The following ATRNL1 variants were observed in gnomAD, a reference collection of about 807,000 sequenced individuals.
The protein encoded by ATRNL1 is attractin-like protein 1.
Under a neutral mutation model 182.7 loss-of-function variants are expected in ATRNL1, and 95 were observed. The observed-to-expected ratio is 0.52, with a 90% CI of 0.44 to 0.62. The LOEUF (loss-of-function observed/expected upper bound fraction) is 0.62. ATRNL1 is among the 20% of genes least tolerant of loss of function. ATRNL1 has a pLI of 0.00. For missense variants in ATRNL1, 1,471 were observed against 1,679.5 expected, an observed-to-expected ratio of 0.88 and a Z score of 2.17; for synonymous variants, 576 against 568.3, an observed-to-expected ratio of 1.01 and a Z score of -0.19.
At chr10:115,461,142 G>A (rs1184005649) in intron 21 of ATRNL1, among the ~76,000 whole-genome samples, 1 of 151,934 alleles carries the variant, frequency 6.6e-6, no homozygotes, top group Admixed American at 6.6e-5. Context: ...ATGGTTAAGG[G>A]TATAATATGA....
At chr10:115,524,514 A>G (rs1321748084) in intron 25 of ATRNL1, among the ~76,000 whole-genome samples, 1 of 152,244 alleles carries the variant, frequency 6.6e-6, no homozygotes, top group East Asian at 1.9e-4. Flanking sequence ...GGTAGAGACT[A>G]CTATCCCTGT....
At chr10:115,176,267 C>T (rs1554886665) in intron 8 of ATRNL1, among the ~76,000 whole-genome samples, 1 of 152,120 alleles carries the variant, frequency 6.6e-6, no homozygotes, top group Admixed American at 6.6e-5. Flanking sequence ...GCCTTTCACT[C>T]TGATGGTAGT....
At chr10:115,272,485 GA>G (rs1554913488) in intron 13 of ATRNL1, among the ~76,000 whole-genome samples, 1 of 152,018 alleles carries the variant, frequency 6.6e-6, no homozygotes, top group African/African-American at 2.4e-5. Context: ...GTGTTTTCTG[GA>G]AAAAATTATT....
chr10:115,108,235 A>C (rs1844105368), intron 1 of ATRNL1, among the ~76,000 whole-genome samples: 1 of 152,154 alleles, frequency 6.6e-6, no homozygotes, highest in Admixed American at 6.5e-5. Flanking sequence ...CAGCTCTTTC[A>C]ATATTTTGCT....
intron 9 of ATRNL1, among the ~76,000 whole-genome samples, chr10:115,225,351 T>C (rs1592285200): frequency 6.6e-6 from 1 of 151,568 alleles, no homozygotes; most frequent in Non-Finnish European, 1.5e-5. Context: ...AAAACTTTAC[T>C]GCAAGCATTA....
intron 27 of ATRNL1, among the ~76,000 whole-genome samples, chr10:115,730,866 G>A (rs1947777081): frequency 6.6e-6 from 1 of 152,084 alleles, no homozygotes; most frequent in South Asian, 2.1e-4. Flanking sequence ...CCCACAATAG[G>A]CCATCTGCAG....
intron 27 of ATRNL1, among the ~76,000 whole-genome samples, chr10:115,801,079 C>T (rs782184254): frequency 1.3e-5 from 2 of 152,180 alleles, no homozygotes; most frequent in African/African-American, 2.4e-5. Flanking sequence ...TTGTCTGCAC[C>T]TAAACACAGG....
intron 26 of ATRNL1, among the ~76,000 whole-genome samples, chr10:115,621,272 T>TAGAGAGAGAGAG (rs1167604359): frequency 6.2e-5 from 3 of 48,448 alleles, no homozygotes; most frequent in Non-Finnish European, 9.4e-5. Flanking sequence ...TATATATATA[T>TAGAGAGAGAGAG]ATATAGAGAG....
Position 115,591,015 on chromosome 10 carries a change from C to T in ATRNL1, c.3795+41479C>T, listed in dbSNP as rs1479163300. On this transcript the variant is annotated intron_variant, in intron 26 of 28. Transcript: ENST00000355044. ...TATCTGAACAGGGCATTTGAGAATC[C>T]GTCTTTTTTGGATCTGAGCACTGAG... 5.3e-5 allele frequency among the ~76,000 whole-genome samples: 8 copies of T among 152,126 alleles called. No individual in the cohort carries two copies. In the East Asian group the frequency reaches 7.7e-4, roughly 15 times the overall value.
rs187887825 is a variant in ATRNL1 at position 115,928,505 on chromosome 10, C to T, written c.4019-16153C>T. 1.5e-3 allele frequency among the ~76,000 whole-genome samples: 228 copies of T among 152,000 alleles called. 1 individual carries two copies. Among genetic ancestry groups the T allele is most frequent in the African/African-American group, 5.2e-3 (216 of 41,494 alleles). ...TAAAATGTAATTGTCTATAGTGAAG[C>T]TTGTATTAATTACCTTGTATGAAAA... On this transcript the variant is annotated intron_variant, in intron 28 of 28. Transcript: ENST00000355044.
chr10:115,413,679 T>C (rs915257027), intron 20 of ATRNL1, among the ~76,000 whole-genome samples: 2 of 152,112 alleles, frequency 1.3e-5, no homozygotes, highest in African/African-American at 4.8e-5. Context: ...ACACCTATCA[T>C]TTTGTGAATA....
At chr10:115,318,284 G>A (rs1380608488) in intron 18 of ATRNL1, among the ~76,000 whole-genome samples, 2 of 152,064 alleles carry the variant, frequency 1.3e-5, no homozygotes, top group East Asian at 1.9e-4. Context: ...TGCTGGATTC[G>A]GTTTGCCAGT....
At chr10:115,098,766 C>T (rs2085086079) in intron 1 of ATRNL1, among the ~76,000 whole-genome samples, 1 of 152,014 alleles carries the variant, frequency 6.6e-6, no homozygotes, top group South Asian at 2.1e-4. Flanking sequence ...CACTTAAATA[C>T]TAGTTTCTAA....
chr10:115,274,551 A>G (rs987820622), intron 13 of ATRNL1, among the ~76,000 whole-genome samples: 7 of 152,212 alleles, frequency 4.6e-5, no homozygotes, highest in Non-Finnish European at 7.3e-5. Flanking sequence ...TCTTGCCAGT[A>G]AGTCTAGAGT....
At chr10:115,851,902 C>T (rs1380419428) in intron 28 of ATRNL1, among the ~76,000 whole-genome samples, 7 of 152,134 alleles carry the variant, frequency 4.6e-5, no homozygotes, top group African/African-American at 1.2e-4. Context: ...AGTAACTCTC[C>T]TACATGACAC....
intron 26 of ATRNL1, among the ~76,000 whole-genome samples, chr10:115,593,767 T>G (rs1856058919): frequency 6.6e-6 from 1 of 152,208 alleles, no homozygotes; most frequent in African/African-American, 2.4e-5. Context: ...GTGTAGACAC[T>G]TCCTTGTAAT....
At chr10:115,510,747 T>A (rs781963829) in intron 24 of ATRNL1, among the ~76,000 whole-genome samples, 1 of 151,992 alleles carries the variant, frequency 6.6e-6, no homozygotes, top group Non-Finnish European at 1.5e-5. Context: ...GTGTTAATGC[T>A]ATTAGCAGAG....
At chr10:115,262,657 C>G (rs1260946319) in intron 10 of ATRNL1, among the ~76,000 whole-genome samples, 1 of 151,684 alleles carries the variant, frequency 6.6e-6, no homozygotes, top group Non-Finnish European at 1.5e-5. Context: ...GGATTAGTAT[C>G]CAGAATATTT....
chr10:115,914,567 T>G (rs1043753857), intron 28 of ATRNL1, among the ~76,000 whole-genome samples: 1 of 152,180 alleles, frequency 6.6e-6, no homozygotes, highest in Non-Finnish European at 1.5e-5. Flanking sequence ...CCTGGTGTAT[T>G]TCTGCTGGTG....
Sources: allele counts gnomAD v4.1 joint callset (sites outside exome capture counted in the v4.1 genomes callset), GRCh38; gene constraint gnomAD v4.1.1; transcripts MANE v1.5; gene names NCBI Gene and HGNC (gene_info 2026-07-23, HGNC 2026-07-21).